CCDC80: variants seen among roughly 807,000 people sequenced by gnomAD.
CCDC80 encodes the protein coiled-coil domain-containing protein 80.
A neutral mutation model predicts 78.7 loss-of-function variants in CCDC80; 49 were observed. That is an observed-to-expected ratio of 0.62 (90% CI 0.50 to 0.79). The LOEUF (loss-of-function observed/expected upper bound fraction) is 0.79, where lower values mean the gene tolerates loss of function less well. Ranked by LOEUF, CCDC80 falls within the 30% of genes least tolerant of loss-of-function variation. The probability of loss-of-function intolerance (pLI) is 0.00; values close to 1 mark genes in which losing one functional copy is unlikely to be tolerated. For missense variants in CCDC80, 1,205 were observed against 1,198.6 expected (o/e 1.01, Z -0.08); for synonymous variants, 488 against 447.0 (o/e 1.09, Z -1.16).
rs1361119662 is a variant in CCDC80 at position 112,610,078 on chromosome 3, G to T, written c.2325C>A (p.Phe775Leu). The T allele has an allele frequency of 6.2e-7, 1 of 1,612,016 alleles. No homozygotes were observed. The highest frequency in any genetic ancestry group is 1.7e-5 in the Admixed American group (1 of 59,892). Residue 775 changes from phenylalanine to leucine, a missense_variant, in exon 6 of 8, where the codon TTC becomes TTA. Physicochemically the swap from Phe to Leu is conservative, Grantham distance 22 (BLOSUM62 0). Transcript: ENST00000206423. The part of the protein sequence containing the change: ...KQSLENFLSR[F>L]RWRRRLLVIS... ...TCACCAGCAACCTCCTCCTCCACCG[G>T]AACCTGGAAAAAAAAAGCAGGACAC...
intron 7 of CCDC80, 21 bp from the exon 8 acceptor site, chr3:112,605,784 T>A: frequency 6.3e-7 from 1 of 1,582,978 alleles, no homozygotes; most frequent in Non-Finnish European, 8.6e-7. Flanking sequence ...ATTGGAATAG[T>A]TATTGTTAGT....
chr3:112,639,950 GA>G (rs769344372), intron 1 of CCDC80, 34 bp from the exon 2 acceptor site: 2 of 1,559,160 alleles, frequency 1.3e-6, no homozygotes, highest in South Asian at 2.4e-5. Flanking sequence ...AAACAAAGGG[GA>G]GGGGGAAAAA....
intron 5 of CCDC80, among the ~76,000 whole-genome samples, chr3:112,616,434 G>GAAAAA (rs138795484): frequency 5.6e-5 from 2 of 35,944 alleles, no homozygotes; most frequent in African/African-American, 8.3e-5. Flanking sequence ...CAAAGAAAGA[G>GAAAAA]AAAAAAAAAG....
chr3:112,618,950 C>A lies in CCDC80; in HGVS notation c.2172+18G>T. 1 of 1,611,638 alleles carries A rather than the reference C, an allele frequency of 6.2e-7. No individual in the cohort carries two copies. The highest frequency in any genetic ancestry group is 1.1e-5 in the South Asian group (1 of 90,782). ...TTCTAAGAAATAGTACTACATTATT[C>A]AGAATAAGAAACTGTACCTTGACTC... On this transcript the variant is annotated intron_variant, in intron 4 of 7. Transcript: ENST00000206423.
chr3:112,614,213 G>A (rs546572817), intron 5 of CCDC80, among the ~76,000 whole-genome samples: 1 of 152,208 alleles, frequency 6.6e-6, no homozygotes, highest in African/African-American at 2.4e-5. Context: ...GGGTTTATAA[G>A]CAAGATCAAA....
At chr3:112,611,060 C>T (rs576566785) in intron 5 of CCDC80, among the ~76,000 whole-genome samples, 2 of 151,930 alleles carry the variant, frequency 1.3e-5, no homozygotes, top group South Asian at 2.1e-4. Context: ...ACTACAGGCG[C>T]GTGCCACCAC....
rs1374195383 is a variant in CCDC80 at position 112,602,903 on chromosome 3, A to G, written c.*2514T>C. On this transcript the variant is annotated 3_prime_UTR_variant, in exon 8 of 8. Transcript: ENST00000206423. ...AAACAATAGATTTTCAAAAGAGATGAAACAGCCTTATATTGGAAGAAGATG... is the reference window on the plus strand; with the variant it reads ...AAACAATAGATTTTCAAAAGAGATGGAACAGCCTTATATTGGAAGAAGATG... 6.5e-6 allele frequency: 1 copy of G among 154,080 alleles called. No individual in the cohort carries two copies. The highest frequency in any genetic ancestry group is 1.4e-5 in the Non-Finnish European group (1 of 69,538). The allele number at this position is 154,080 out of a possible 1,614,324, so 9.5% of individuals were successfully genotyped here.
chr3:112,623,395 A>G (rs1243805793), intron 3 of CCDC80, among the ~76,000 whole-genome samples: 18 of 152,174 alleles, frequency 1.2e-4, no homozygotes, highest in Admixed American at 1.2e-3. Flanking sequence ...CTCCTCCTCC[A>G]ACCCTCTCTT....
rs1312979569 is a variant in CCDC80 at position 112,610,918 on chromosome 3, T to TC, written c.2322-838_2322-837insG. ...ATTTCTTTTCTTTTCTTTCTTTCTTTTTTTTTTTTTTTTTGAGACAGAGTC... is the reference window on the plus strand; with the variant it reads ...ATTTCTTTTCTTTTCTTTCTTTCTTTCTTTTTTTTTTTTTTGAGACAGAGTC... On this transcript the variant is annotated intron_variant, in intron 5 of 7. Transcript: ENST00000206423. 3.4e-4 allele frequency among the ~76,000 whole-genome samples: 49 copies of TC among 144,720 alleles called. No homozygotes were observed. In the South Asian group the frequency reaches 6.0e-3, roughly 18 times the overall value. The allele number at this position is 144,720 out of a possible 152,430, so 94.9% of individuals were successfully genotyped here.
In CCDC80 at chr3:112,619,066, A is replaced by T. The variant is rs746171015; in HGVS notation, c.2074T>A (p.Leu692Met). ...TCGCTGATGAGACGCTGGTCTACCA[A>T]GTCTTCATCATCCACCACTCGCATG... ...KPMRVVDDED[L>M]VDQRLISELR... The change falls in exon 4 of 8, where the codon TTG becomes ATG. Residue 692 changes from leucine to methionine, a missense_variant. By Grantham distance (15) the Leu-to-Met change is conservative. Transcript: ENST00000206423. The T allele has an allele frequency of 1.1e-5, 17 of 1,606,096 alleles. No individual in the cohort carries two copies. In the East Asian group the frequency reaches 3.6e-4, roughly 34 times the overall value.
chr3:112,604,945 C>G lies in CCDC80; in HGVS notation c.*472G>C, dbSNP rs2107467428. On this transcript the variant is annotated 3_prime_UTR_variant, in exon 8 of 8. Transcript: ENST00000206423. Reference sequence around the variant, plus strand: ...AAAGCAGAGATATCTTAATTATTTTCAGACTGGCATTTCAAAAAGTGTCAA... The same window carrying G: ...AAAGCAGAGATATCTTAATTATTTTGAGACTGGCATTTCAAAAAGTGTCAA... 1 of 152,366 alleles carries G rather than the reference C, an allele frequency of 6.6e-6. No individual in the cohort carries two copies. The highest frequency in any genetic ancestry group is 1.9e-4 in the East Asian group (1 of 5,190). 9.4% of individuals were successfully genotyped at this position (152,366 alleles called of 1,614,324 possible).
chr3:112,605,291 T>A lies in CCDC80; in HGVS notation c.*126A>T. On this transcript the variant is annotated 3_prime_UTR_variant, in exon 8 of 8. Coordinates refer to ENST00000206423, the MANE Select transcript of CCDC80 (RefSeq NM_199511.3). ...AGGTGAAAGTTTGCTATTTATTTAG[T>A]CTTAGAAAAACACTGAAAGAAAAAG... is the stretch of plus-strand genomic sequence containing the variant. 1 of 620,392 alleles carries A rather than the reference T, an allele frequency of 1.6e-6. No individual in the cohort carries two copies. The highest frequency in any genetic ancestry group is 2.8e-6 in the Non-Finnish European group (1 of 362,858). 38.4% of individuals were successfully genotyped at this position (620,392 alleles called of 1,614,324 possible). A position where few individuals can be genotyped will look rare whatever the true frequency, so the allele number is the denominator to read the frequency against.
In CCDC80 at chr3:112,629,529, A is replaced by T. The variant is rs530937781; in HGVS notation, c.2035+584T>A. 1.8e-4 allele frequency among the ~76,000 whole-genome samples: 27 copies of T among 152,306 alleles called. No homozygotes were observed. In the South Asian group the frequency reaches 5.0e-3, roughly 28 times the overall value. Reference sequence around the variant, plus strand: ...GGGCTGTACGCCTCATGAGTCTCACATGCACCATTCATATGTAAAATTGCG... The same window carrying T: ...GGGCTGTACGCCTCATGAGTCTCACTTGCACCATTCATATGTAAAATTGCG... On this transcript the variant is annotated intron_variant, in intron 3 of 7. Coordinates refer to ENST00000206423, the MANE Select transcript of CCDC80 (RefSeq NM_199511.3).
intron 4 of CCDC80, among the ~76,000 whole-genome samples, chr3:112,617,157 G>T (rs1935769766): frequency 6.6e-6 from 1 of 152,062 alleles, no homozygotes. Context: ...TCTACCTTTG[G>T]GACTAAGCTG....
At chr3:112,623,925 G>T (rs13087870) in intron 3 of CCDC80, among the ~76,000 whole-genome samples, 4 of 152,084 alleles carry the variant, frequency 2.6e-5, no homozygotes, top group Non-Finnish European at 5.9e-5. Context: ...GCAACCAGTT[G>T]TTTACATATC....
rs972231829 is a variant in CCDC80, at chr3:112,640,801, C to T, written c.-486G>A. 6.6e-6 allele frequency: 1 copy of T among 152,122 alleles called. No individual in the cohort carries two copies. The highest frequency in any genetic ancestry group is 2.4e-5 in the African/African-American group (1 of 41,400). The allele number at this position is 152,122 out of a possible 1,614,324, so 9.4% of individuals were successfully genotyped here. A position where few individuals can be genotyped will look rare whatever the true frequency, so the allele number is the denominator to read the frequency against. The stretch of plus-strand genomic sequence containing the variant: ...TAGTCTGGCTTAGTCTCTTTGTTTC[C>T]GGGCGTAAAAGCACTGGGATTAATA... On this transcript the variant is annotated 5_prime_UTR_variant, in exon 1 of 8. Transcript: ENST00000206423.
chr3:112,605,610 A>C lies in CCDC80; in HGVS notation c.2660T>G (p.Val887Gly). 1 of 1,614,082 alleles carries C rather than the reference A, an allele frequency of 6.2e-7. No individual in the cohort carries two copies. Among genetic ancestry groups the C allele is most frequent in the East Asian group, 2.2e-5 (1 of 44,884 alleles). Residue 887 changes from valine to glycine, a missense_variant, in exon 8 of 8, where the codon GTG (valine) becomes GGG (glycine). Transcript: ENST00000206423. ...CGAATCAATTAAATCGTACACAATCACCATGGACCACATTGGGGAAGGATA... is the reference window on the plus strand; with the variant it reads ...CGAATCAATTAAATCGTACACAATCCCCATGGACCACATTGGGGAAGGATA... Reference protein sequence around the residue: ...SWYPSPMWSMVIVYDLIDSMQ... With the variant: ...SWYPSPMWSMGIVYDLIDSMQ...
chr3:112,624,237 T>C (rs150647878), intron 3 of CCDC80, among the ~76,000 whole-genome samples: 80 of 152,318 alleles, frequency 5.3e-4, no homozygotes, highest in Admixed American at 1.6e-3. Context: ...TATATTTTTT[T>C]CTAAAATTGG....
chr3:112,631,010 TG>T (rs1239403387), intron 2 of CCDC80, among the ~76,000 whole-genome samples: 3 of 151,500 alleles, frequency 2.0e-5, no homozygotes, highest in Non-Finnish European at 4.4e-5. Context: ...CCCTGTCTTC[TG>T]GGGGAAAAAA....
Sources: gnomAD v4.1 joint callset for allele counts (sites outside exome capture counted in the v4.1 genomes callset) on GRCh38, gnomAD v4.1.1 for gene constraint, MANE v1.5 for transcripts, NCBI Gene and HGNC (gene_info 2026-07-23, HGNC 2026-07-21) for gene names.